TMPRSS11D: variants seen among roughly 807,000 people sequenced by gnomAD.
The protein encoded by TMPRSS11D is transmembrane serine protease 11D, also known as transmembrane protease serine 11D.
Under a neutral mutation model 44.4 loss-of-function variants are expected in TMPRSS11D, and 32 were observed. That is an observed-to-expected ratio of 0.72 (90% CI 0.54 to 0.97). The LOEUF (loss-of-function observed/expected upper bound fraction) is 0.97, where lower values mean the gene tolerates loss of function less well. Among genes scored for constraint, TMPRSS11D ranks in the 50% least tolerant of loss-of-function variants. The pLI, the probability that TMPRSS11D is intolerant of heterozygous loss-of-function variation, is 0.00. For missense variants in TMPRSS11D, 446 were observed against 502.6 expected, an observed-to-expected ratio of 0.89 and a Z score of 1.08; for synonymous variants, 179 against 177.9, an observed-to-expected ratio of 1.01 and a Z score of -0.05.
intron 7 of TMPRSS11D, among the ~76,000 whole-genome samples, chr4:67,829,874 G>A (rs1717902995): frequency 6.6e-6 from 1 of 152,070 alleles, no homozygotes; most frequent in African/African-American, 2.4e-5. Flanking sequence ...AAATGTTGAT[G>A]TGGAGGGAAA....
intron 1 of TMPRSS11D, among the ~76,000 whole-genome samples, chr4:67,862,121 CT>C (rs1454627565): frequency 3.9e-5 from 6 of 152,022 alleles, no homozygotes; most frequent in African/African-American, 1.4e-4. Flanking sequence ...CACTCTTTCT[CT>C]TTTTTATTGA....
intron 1 of TMPRSS11D, among the ~76,000 whole-genome samples, chr4:67,869,710 C>T (rs1248820855): frequency 4.6e-5 from 7 of 152,158 alleles, no homozygotes; most frequent in Non-Finnish European, 1.0e-4. Context: ...TGAATGAAAA[C>T]AACATAAATA....
chr4:67,841,191 T>C (rs762071230), intron 4 of TMPRSS11D, among the ~76,000 whole-genome samples: 2 of 152,110 alleles, frequency 1.3e-5, no homozygotes, highest in African/African-American at 2.4e-5. Context: ...GGCCTAGAGA[T>C]ACAACTTTGA....
intron 5 of TMPRSS11D, among the ~76,000 whole-genome samples, 169 bp from the exon 6 acceptor site, chr4:67,835,290 C>G (rs544955403): frequency 6.6e-6 from 1 of 152,184 alleles, no homozygotes; most frequent in East Asian, 1.9e-4. Flanking sequence ...CCTGCTGAAA[C>G]GATCTCTAAC....
At chr4:67,852,319 C>CT (rs1718529103) in intron 3 of TMPRSS11D, among the ~76,000 whole-genome samples, 1 of 152,124 alleles carries the variant, frequency 6.6e-6, no homozygotes, top group Admixed American at 6.5e-5. Context: ...GCACTGAAAG[C>CT]TTTGAGTGGG....
chr4:67,862,145 G>T (rs983186110), intron 1 of TMPRSS11D, among the ~76,000 whole-genome samples: 1 of 151,980 alleles, frequency 6.6e-6, no homozygotes. Context: ...TGAAAAAATT[G>T]CATGAGGGTG....
chr4:67,856,563 TTAGTC>T (rs1208811841), intron 2 of TMPRSS11D, among the ~76,000 whole-genome samples: 10 of 152,108 alleles, frequency 6.6e-5, no homozygotes, highest in African/African-American at 2.4e-4. Flanking sequence ...CTTCATGTCT[TTAGTC>T]TAGGGAAATA....
At chr4:67,834,995 C>T in intron 6 of TMPRSS11D, 88 bp downstream of exon 6, 1 of 1,211,982 alleles carries the variant, frequency 8.3e-7, no homozygotes, top group Non-Finnish European at 1.2e-6. Flanking sequence ...TTGATAGATA[C>T]TGCCTTGGCC....
chr4:67,838,441 A>G, intron 4 of TMPRSS11D, 112 bp from the exon 5 acceptor site: 1 of 1,014,322 alleles, frequency 9.9e-7, no homozygotes, highest in Non-Finnish European at 1.4e-6. Context: ...GTGGAATTTA[A>G]CTTTAGACAG....
In TMPRSS11D at chr4:67,827,468, G is replaced by A. The variant is rs1346262515; in HGVS notation, c.745C>T (p.Pro249Ser). The A allele has an allele frequency of 6.2e-7, 1 of 1,611,964 alleles. No homozygotes were observed. The highest frequency in any genetic ancestry group is 1.3e-5 in the African/African-American group (1 of 74,814). ...TTTCTTACTCTCATTCTTAGTTTAG[G>A]AAATGTTGTGGAAATACCAGACGTG... ...IATSGISTTF[P>S]KLRMRVRNIL... The change falls in exon 8 of 10, where the codon CCT becomes TCT. Residue 249 changes from proline (P) to serine (S), a missense_variant. Coordinates refer to ENST00000283916, the MANE Select transcript of TMPRSS11D (RefSeq NM_004262.3).
chr4:67,869,092 A>G (rs1047969718), intron 1 of TMPRSS11D, among the ~76,000 whole-genome samples: 1 of 152,228 alleles, frequency 6.6e-6, no homozygotes, highest in African/African-American at 2.4e-5. Flanking sequence ...AGATGTTCTA[A>G]TAATAATTTT....
chr4:67,830,001 A>G (rs749669248), intron 7 of TMPRSS11D, among the ~76,000 whole-genome samples: 1 of 152,070 alleles, frequency 6.6e-6, no homozygotes, highest in Non-Finnish European at 1.5e-5. Context: ...AGATAAGTAC[A>G]AATATTTTGT....
chr4:67,840,796 C>T (rs901899056), intron 4 of TMPRSS11D, among the ~76,000 whole-genome samples: 5 of 152,088 alleles, frequency 3.3e-5, no homozygotes, highest in Non-Finnish European at 7.4e-5. Flanking sequence ...ATACATACAA[C>T]TACTAGGTAC....
chr4:67,854,073 A>T lies in TMPRSS11D; in HGVS notation c.244T>A (p.Ser82Thr). The T allele has an allele frequency of 6.6e-7, 1 of 1,513,514 alleles. No individual in the cohort carries two copies. The highest frequency in any genetic ancestry group is 9.0e-7 in the Non-Finnish European group (1 of 1,113,062). 93.8% of individuals were successfully genotyped at this position (1,513,514 alleles called of 1,614,324 possible). ...AAAGACAAATATTAACTTACCAGAG[A>T]TTCAATTCTTCCACTCAAAGTCCTG... The part of the protein sequence containing the change: ...EYRTLSGRIE[S>T]LITKTFKESN... The change falls in exon 3 of 10, where the codon TCT becomes ACT. Residue 82 changes from serine to threonine, a missense_variant. Coordinates refer to ENST00000283916, the MANE Select transcript of TMPRSS11D (RefSeq NM_004262.3).
intron 1 of TMPRSS11D, among the ~76,000 whole-genome samples, chr4:67,874,735 A>G (rs1719142709): frequency 1.3e-5 from 2 of 152,348 alleles, no homozygotes; most frequent in South Asian, 4.1e-4. Context: ...ATTGGGTGAA[A>G]TAATTCAGAG....
intron 1 of TMPRSS11D, among the ~76,000 whole-genome samples, chr4:67,875,426 G>A (rs1719164018): frequency 6.6e-6 from 1 of 152,128 alleles, no homozygotes; most frequent in Admixed American, 6.5e-5. Flanking sequence ...TTAACAAGAA[G>A]GTTCCTTCTT....
chr4:67,833,055 CT>C, intron 7 of TMPRSS11D, 148 bp downstream of exon 7: 1 of 710,334 alleles, frequency 1.4e-6, no homozygotes, highest in East Asian at 3.4e-5. Flanking sequence ...GGGAAAAATC[CT>C]TTTCCTTTCA....
chr4:67,860,978 G>A (rs1476502266), intron 1 of TMPRSS11D, among the ~76,000 whole-genome samples: 1 of 152,096 alleles, frequency 6.6e-6, no homozygotes, highest in Non-Finnish European at 1.5e-5. Context: ...CATTTCAGAA[G>A]ACTGTTGGAA....
chr4:67,823,553 T>A (rs1239301013), intron 9 of TMPRSS11D, among the ~76,000 whole-genome samples: 1 of 152,158 alleles, frequency 6.6e-6, no homozygotes. Context: ...TGAGTACAGC[T>A]TAGCATATAG....
Sources: gnomAD v4.1 joint callset for allele counts (sites outside exome capture counted in the v4.1 genomes callset) on GRCh38, gnomAD v4.1.1 for gene constraint, MANE v1.5 for transcripts, NCBI Gene and HGNC (gene_info 2026-07-23, HGNC 2026-07-21) for gene names.